MBOAT2: variants seen among roughly 807,000 people sequenced by gnomAD.
The protein encoded by MBOAT2 is membrane bound glycerophospholipid O-acyltransferase 2.
In MBOAT2, 28 loss-of-function variants were observed where a neutral mutation model predicts 63.4. The observed-to-expected ratio is 0.44, with a 90% CI of 0.33 to 0.61. MBOAT2 has a LOEUF of 0.61. MBOAT2 is among the 20% of genes least tolerant of loss of function. The pLI is 0.03. For missense variants in MBOAT2, 470 were observed against 605.8 expected (o/e 0.78, Z 2.35); for synonymous variants, 211 against 215.6 (o/e 0.98, Z 0.19).
chr2:9,002,045 CAT>C lies in MBOAT2; in HGVS notation c.75+1493_75+1494del, dbSNP rs545830355. Among the ~76,000 whole-genome samples, 1,038 of 152,268 alleles carry C rather than the reference CAT, an allele frequency of 6.8e-3. 17 individuals are homozygous for C. The highest frequency in any genetic ancestry group is 0.024 in the African/African-American group (995 of 41,540). ...GCAGGAGTGTGATATGCTAAAAGGT[CAT>C]ACACTGCACACCAGTGTGGAAATGT... On this transcript the variant is annotated intron_variant, in intron 1 of 12. Coordinates refer to ENST00000305997, the MANE Select transcript of MBOAT2 (RefSeq NM_138799.4).
chr2:8,918,258 T>C (rs1020940450), intron 3 of MBOAT2, among the ~76,000 whole-genome samples: 8 of 152,212 alleles, frequency 5.3e-5, no homozygotes, highest in Non-Finnish European at 1.2e-4. Context: ...CAAACAATTT[T>C]TGCACAAGCC....
chr2:8,892,318 G>A (rs897670100), intron 4 of MBOAT2, among the ~76,000 whole-genome samples: 1 of 152,136 alleles, frequency 6.6e-6, no homozygotes, highest in Non-Finnish European at 1.5e-5. Context: ...GTTATCCTAA[G>A]TGTACAAGTA....
At chr2:8,943,366 C>CA in intron 2 of MBOAT2, 102 bp from the exon 3 acceptor site, 1 of 592,390 alleles carries the variant, frequency 1.7e-6, no homozygotes, top group East Asian at 3.0e-5. Context: ...ACAGTATTCC[C>CA]AGAAAAAAAA....
intron 6 of MBOAT2, 114 bp downstream of exon 6, chr2:8,882,397 G>A (rs1238529513): frequency 1.9e-6 from 2 of 1,060,896 alleles, no homozygotes; most frequent in Non-Finnish European, 2.8e-6. Context: ...AGTGAGGCTT[G>A]ATTTTCAGAA....
chr2:8,953,654 T>G (rs2103264226), intron 2 of MBOAT2, among the ~76,000 whole-genome samples: 1 of 152,346 alleles, frequency 6.6e-6, no homozygotes, highest in South Asian at 2.1e-4. Flanking sequence ...TTTTTTATTT[T>G]TGTCTGATTG....
chr2:8,955,972 G>A (rs1669189371), intron 2 of MBOAT2, among the ~76,000 whole-genome samples: 1 of 152,092 alleles, frequency 6.6e-6, no homozygotes, highest in Non-Finnish European at 1.5e-5. Context: ...TTCAATTAAG[G>A]TATGTACATT....
intron 1 of MBOAT2, among the ~76,000 whole-genome samples, chr2:8,987,842 C>G (rs558238363): frequency 1.3e-5 from 2 of 152,232 alleles, no homozygotes; most frequent in African/African-American, 4.8e-5. Context: ...AATATATTAA[C>G]AAAAGTTGTC....
At chr2:8,984,035 ATAT>A (rs1392634184) in intron 1 of MBOAT2, among the ~76,000 whole-genome samples, 1 of 152,200 alleles carries the variant, frequency 6.6e-6, no homozygotes, top group African/African-American at 2.4e-5. Context: ...TATGAATAGA[ATAT>A]TATTTAGCTT....
In MBOAT2 at chr2:8,862,852, G is replaced by A; in HGVS notation, c.1053-130C>T. ...AGAAAAACAAATACAACTTATCTTA[G>A]GCAATCACTTCTCTATGATCTCAGG... On this transcript the variant is annotated intron_variant, in intron 10 of 12. Coordinates refer to ENST00000305997, the MANE Select transcript of MBOAT2 (RefSeq NM_138799.4). This position sits in a 1 kb window ranked among gnomAD's most constrained non-coding sequence, Gnocchi z 4.3. 8.9e-7 allele frequency: 1 copy of A among 1,126,626 alleles called. No homozygotes were observed. Among genetic ancestry groups the A allele is most frequent in the Non-Finnish European group, 1.2e-6 (1 of 818,304 alleles). 69.8% of individuals were successfully genotyped at this position (1,126,626 alleles called of 1,614,324 possible).
At chr2:8,919,832 T>G (rs954056833) in intron 3 of MBOAT2, among the ~76,000 whole-genome samples, 1 of 152,146 alleles carries the variant, frequency 6.6e-6, no homozygotes, top group East Asian at 1.9e-4. Context: ...CATAACTCAA[T>G]GTACCTTGGA....
intron 1 of MBOAT2, among the ~76,000 whole-genome samples, chr2:9,002,096 G>C (rs1397297006): frequency 6.6e-6 from 1 of 151,322 alleles, no homozygotes; most frequent in African/African-American, 2.5e-5. Flanking sequence ...CCGCGGGGCC[G>C]GGAGGATGAA....
intron 4 of MBOAT2, among the ~76,000 whole-genome samples, chr2:8,900,577 T>C (rs936788044): frequency 2.0e-4 from 31 of 152,260 alleles, no homozygotes; most frequent in South Asian, 6.2e-4. Context: ...CTGGGGGGTT[T>C]TGTGGTACTT....
rs80305654 is a variant in MBOAT2 at position 8,859,682 on chromosome 2, G to A, written c.1338-778C>T. ...GTGCTAAGTCATTCTAAATGCTAGA[G>A]TAATAAAGAATTTATAAAAGAATAA... On this transcript the variant is annotated intron_variant, in intron 12 of 12. Transcript: ENST00000305997. Among the ~76,000 whole-genome samples the A allele has an allele frequency of 4.5e-3, 690 of 152,268 alleles. 1 individual carries two copies. Among genetic ancestry groups the A allele is most frequent in the Admixed American group, 9.9e-3 (152 of 15,294 alleles).
At chr2:8,935,402 G>C (rs1667588079) in intron 3 of MBOAT2, among the ~76,000 whole-genome samples, 1 of 152,188 alleles carries the variant, frequency 6.6e-6, no homozygotes, top group African/African-American at 2.4e-5. Context: ...TCAACAGCAG[G>C]ATTTTAAAAA....
chr2:8,927,577 A>G (rs771085218), intron 3 of MBOAT2, among the ~76,000 whole-genome samples: 1 of 152,164 alleles, frequency 6.6e-6, no homozygotes, highest in East Asian at 1.9e-4. Context: ...GCTGTGTCCA[A>G]CCGAGGCTGG....
intron 9 of MBOAT2, among the ~76,000 whole-genome samples, chr2:8,867,035 T>C (rs1181718095): frequency 6.6e-6 from 1 of 152,194 alleles, no homozygotes; most frequent in African/African-American, 2.4e-5. Context: ...ATGATCCTTT[T>C]CGCAGGCTAG....
chr2:8,894,810 T>C (rs567938489), intron 4 of MBOAT2, among the ~76,000 whole-genome samples: 7 of 152,332 alleles, frequency 4.6e-5, no homozygotes, highest in African/African-American at 1.7e-4. Flanking sequence ...TCTTGCTGAC[T>C]TCAGGAGTGA....
At chr2:8,944,381 A>G (rs1365099059) in intron 2 of MBOAT2, among the ~76,000 whole-genome samples, 1 of 152,172 alleles carries the variant, frequency 6.6e-6, no homozygotes, top group Non-Finnish European at 1.5e-5. Flanking sequence ...AAAATTTTCG[A>G]ATCATCAGGC....
At chr2:8,933,693 C>G (rs1203076163) in intron 3 of MBOAT2, among the ~76,000 whole-genome samples, 4 of 152,152 alleles carry the variant, frequency 2.6e-5, no homozygotes, top group African/African-American at 9.7e-5. Flanking sequence ...TCAAACTGAC[C>G]TTTTAGACAG....
Sources: gnomAD v4.1 joint callset for allele counts (sites outside exome capture counted in the v4.1 genomes callset) on GRCh38, gnomAD v4.1.1 for gene constraint, Gnocchi (gnomAD v3.1) non-coding constraint, MANE v1.5 for transcripts, NCBI Gene and HGNC (gene_info 2026-07-23, HGNC 2026-07-21) for gene names.